The following SYNJ2 variants were observed in gnomAD, a reference collection of about 807,000 sequenced individuals.
SYNJ2 encodes the protein synaptojanin 2.
A neutral mutation model predicts 141.3 loss-of-function variants in SYNJ2; 116 were observed. The ratio of observed to expected loss-of-function variants is 0.82; its 90% CI spans 0.71 to 0.96. SYNJ2 has a LOEUF of 0.96. SYNJ2 is among the 40% of genes least tolerant of loss of function. SYNJ2 has a pLI of 0.00. For synonymous variants in SYNJ2, 745 were observed against 777.7 expected, an observed-to-expected ratio of 0.96 and a Z score of 0.70; for missense variants, 1,873 against 1,934.8, an observed-to-expected ratio of 0.97 and a Z score of 0.60.
chr6:157,996,557 C>T (rs545235612), intron 1 of SYNJ2, among the ~76,000 whole-genome samples: 1 of 152,288 alleles, frequency 6.6e-6, no homozygotes, highest in East Asian at 1.9e-4. Flanking sequence ...CCTGCATGCA[C>T]TCCCTCCCCC....
rs1194619663 is a variant in SYNJ2, at chr6:158,062,273, C to G, written c.1127+109C>G. On this transcript the variant is annotated intron_variant, in intron 8 of 26. Coordinates refer to ENST00000355585, the MANE Select transcript of SYNJ2 (RefSeq NM_003898.4). ...CTGCTGGGTGAGGCGGCAGAGGGGCCGTGCAGTCTAGGACATGTGCCCTAT... is the reference window on the plus strand; with the variant it reads ...CTGCTGGGTGAGGCGGCAGAGGGGCGGTGCAGTCTAGGACATGTGCCCTAT... 9.1e-6 allele frequency: 14 copies of G among 1,532,730 alleles called. No homozygotes were observed. The East Asian group carries it at 3.2e-4, about 35-fold the overall frequency. 94.9% of individuals were successfully genotyped at this position (1,532,730 alleles called of 1,614,324 possible).
At chr6:158,006,716 T>A (rs1172582695) in intron 1 of SYNJ2, among the ~76,000 whole-genome samples, 2 of 152,158 alleles carry the variant, frequency 1.3e-5, no homozygotes, top group Non-Finnish European at 2.9e-5. Context: ...TCTGTCGCCC[T>A]GGCTGGAGTG....
intron 1 of SYNJ2, among the ~76,000 whole-genome samples, chr6:158,015,156 A>G (rs1778403205): frequency 6.6e-6 from 1 of 152,174 alleles, no homozygotes; most frequent in African/African-American, 2.4e-5. Flanking sequence ...AAGTGATGAA[A>G]GTCAGTTCAC....
intron 5 of SYNJ2, among the ~76,000 whole-genome samples, chr6:158,051,792 C>CA (rs34963476): frequency 0.39 from 50,168 of 128,098 alleles, 9,060 homozygotes; most frequent in South Asian, 0.46. Flanking sequence ...ACAAAAAATA[C>CA]AAAAAAAAAA....
At chr6:158,051,045 G>C (rs184895005) in intron 5 of SYNJ2, among the ~76,000 whole-genome samples, 1 of 152,244 alleles carries the variant, frequency 6.6e-6, no homozygotes, top group Admixed American at 6.5e-5. Context: ...GAGCCTGCTA[G>C]GTCCAGTCAT....
intron 20 of SYNJ2, among the ~76,000 whole-genome samples, chr6:158,082,463 G>C (rs1782756259): frequency 7.4e-6 from 1 of 134,676 alleles, no homozygotes; most frequent in Admixed American, 8.0e-5. Flanking sequence ...CTCCAGCCCA[G>C]GCAACAGTGT....
At chr6:158,049,056 C>G (rs6941477) in intron 5 of SYNJ2, among the ~76,000 whole-genome samples, 16,229 of 152,112 alleles carry the variant, frequency 0.11, 1,196 homozygotes, top group African/African-American at 0.2. Context: ...TGTGGAGGTG[C>G]TGTCTGCGAT....
rs895208662 is a variant in SYNJ2, at chr6:158,017,269, G to A, written c.193G>A (p.Gly65Arg). 1.2e-6 allele frequency: 2 copies of A among 1,613,598 alleles called. No homozygotes were observed. Among genetic ancestry groups the A allele is most frequent in the African/African-American group, 2.7e-5 (2 of 74,906 alleles). The change falls in exon 2 of 27, where the codon GGG becomes AGG. Residue 65 changes from glycine (G) to arginine (R), a missense_variant. Coordinates refer to ENST00000355585, the MANE Select transcript of SYNJ2 (RefSeq NM_003898.4). ...GKLTDAYGCL[G>R]ELRLKSGGTS... ...GCTCACGGACGCGTACGGCTGCCTG[G>A]GGGAGCTGAGGCTGAAATCTGGTGA... is the stretch of plus-strand genomic sequence containing the variant.
chr6:158,092,948 T>G lies in SYNJ2; in HGVS notation c.3588T>G (p.Ser1196Arg), dbSNP rs752788300. 6.3e-7 allele frequency: 1 copy of G among 1,595,370 alleles called. No homozygotes were observed. Among genetic ancestry groups the G allele is most frequent in the Non-Finnish European group, 8.5e-7 (1 of 1,175,002 alleles). Residue 1196 changes from serine (S) to arginine (R), a missense_variant, in exon 26 of 27, where the codon AGT (serine) becomes AGG (arginine). Transcript: ENST00000355585. ...CAGGTGCCTCCGAAGAAGCCCTAAG[T>G]GCCGTGGCCCCAAGGGACCTTGAAG... ...ARGGASEEAL[S>R]AVAPRDLEAS...
intron 1 of SYNJ2, among the ~76,000 whole-genome samples, chr6:157,993,816 T>G (rs1025121824): frequency 0.23 from 20,644 of 89,286 alleles, 3,244 homozygotes; most frequent in African/African-American, 0.46. Flanking sequence ...TTTTTTTTTT[T>G]TTTTTTTTTT....
At chr6:158,095,572 T>C in intron 26 of SYNJ2, 46 bp from the exon 27 acceptor site, 2 of 1,527,492 alleles carry the variant, frequency 1.3e-6, no homozygotes, top group Non-Finnish European at 8.7e-7. Context: ...CTCAGCTGCC[T>C]AGTTATTGGC....
Position 158,074,502 on chromosome 6 carries a change from C to T in SYNJ2, c.2134-78C>T. The T allele has an allele frequency of 4.1e-6, 6 of 1,471,694 alleles. No individual in the cohort carries two copies. In the Admixed American group the frequency reaches 1.1e-4, roughly 26 times the overall value. The allele number at this position is 1,471,694 out of a possible 1,614,324, so 91.2% of individuals were successfully genotyped here. On this transcript the variant is annotated intron_variant, in intron 15 of 26. Coordinates refer to ENST00000355585, the MANE Select transcript of SYNJ2 (RefSeq NM_003898.4). ...TTGAGAAAAATACTCCTGCTTGCCC[C>T]AGTGAGCTTGTTTTTCTCCTCTCTC... is the stretch of plus-strand genomic sequence containing the variant.
intron 2 of SYNJ2, chr6:158,028,490 G>C (rs150741421): frequency 2.8e-4 from 145 of 519,046 alleles, no homozygotes; most frequent in African/African-American, 2.5e-3. Context: ...TCAGGCAGCT[G>C]GGCGGCAGGA....
intron 18 of SYNJ2, chr6:158,078,913 G>C (rs1782500568): frequency 6.6e-6 from 1 of 151,074 alleles, no homozygotes; most frequent in Non-Finnish European, 1.5e-5. Context: ...TCCTGCCTCA[G>C]CCTCCCAAGT....
intron 15 of SYNJ2, among the ~76,000 whole-genome samples, chr6:158,072,762 T>C (rs1782016267): frequency 6.6e-6 from 1 of 151,322 alleles, no homozygotes; most frequent in Admixed American, 6.6e-5. Flanking sequence ...AGTCTAACCC[T>C]TCTCACTTAA....
At chr6:158,094,044 C>G (rs1783644193) in intron 26 of SYNJ2, 1 of 761,988 alleles carries the variant, frequency 1.3e-6, no homozygotes, top group Non-Finnish European at 2.4e-6. Context: ...CTCGGTAATC[C>G]CTTCCTGGTC....
At chr6:157,988,788 G>C (rs1311005653) in intron 1 of SYNJ2, among the ~76,000 whole-genome samples, 4 of 152,180 alleles carry the variant, frequency 2.6e-5, no homozygotes, top group African/African-American at 9.7e-5. Flanking sequence ...GTGGCCAGCT[G>C]TCCTCGAGGT....
rs1215365436 is a variant in SYNJ2 at position 158,095,932 on chromosome 6, C to A, written c.4059C>A (p.Ser1353Arg). 1.9e-6 allele frequency: 3 copies of A among 1,614,140 alleles called. No homozygotes were observed. Among genetic ancestry groups the A allele is most frequent in the Non-Finnish European group, 2.5e-6 (3 of 1,180,008 alleles). ...ACCTGCAGGTCCTGCAGAGCAACAG[C>A]CAGCTTCTCCAGGGCCTCACTTACA... ...AFHLQVLQSN[S>R]QLLQGLTYNS... Residue 1353 changes from serine (S) to arginine (R), a missense_variant, in exon 27 of 27, where the codon AGC becomes AGA. By Grantham distance (110) the Ser-to-Arg change is moderately radical. Transcript: ENST00000355585.
intron 4 of SYNJ2, among the ~76,000 whole-genome samples, chr6:158,039,947 C>G (rs1037190067): frequency 2.0e-5 from 3 of 152,112 alleles, no homozygotes; most frequent in African/African-American, 7.2e-5. Context: ...TGCACACAGG[C>G]GGCTGTGCGG....
Sources: gnomAD v4.1 joint callset for allele counts (sites outside exome capture counted in the v4.1 genomes callset) on GRCh38, gnomAD v4.1.1 for gene constraint, MANE v1.5 for transcripts, NCBI Gene and HGNC (gene_info 2026-07-23, HGNC 2026-07-21) for gene names.